MAPK4: variants seen among roughly 807,000 people sequenced by gnomAD.
MAPK4 encodes the protein Erk3-related.
In MAPK4, 22 loss-of-function variants were observed where a neutral mutation model predicts 47.7. The observed-to-expected ratio is 0.46, with a 90% CI of 0.33 to 0.66. The LOEUF is 0.66. Ranked by LOEUF, MAPK4 falls within the 30% of genes least tolerant of loss-of-function variation. MAPK4 has a pLI of 0.02. For synonymous variants in MAPK4, 390 were observed against 365.7 expected (o/e 1.07, Z -0.76); for missense variants, 736 against 831.7 (o/e 0.88, Z 1.42).
intron 3 of MAPK4, among the ~76,000 whole-genome samples, chr18:50,716,796 C>T (rs1442785586): frequency 6.7e-6 from 1 of 149,980 alleles, no homozygotes; most frequent in Non-Finnish European, 1.5e-5. Flanking sequence ...GCCTGCCCTG[C>T]TTCTCCTCAG....
Position 50,664,593 on chromosome 18 carries a change from T to G in MAPK4, c.546+89T>G. On this transcript the variant is annotated intron_variant, in intron 2 of 5. Transcript: ENST00000400384. The surrounding 1 kb of genome is among the most constrained non-coding windows in gnomAD (Gnocchi z 6.0). ...TCCCAAGCTATTCCTAGCTCCATGG[T>G]AGTCAGAGGACTAGAGTTAGTAATT... The G allele has an allele frequency of 2.2e-6, 3 of 1,382,378 alleles. No individual in the cohort carries two copies. The highest frequency in any genetic ancestry group is 3.0e-6 in the Non-Finnish European group (3 of 1,013,108). 85.6% of individuals were successfully genotyped at this position (1,382,378 alleles called of 1,614,324 possible). A position where few individuals can be genotyped will look rare whatever the true frequency, so the allele number is the denominator to read the frequency against.
chr18:50,559,660 C>CG (rs923796716), upstream of MAPK4, among the ~76,000 whole-genome samples: 1 of 136,988 alleles, frequency 7.3e-6, no homozygotes, highest in African/African-American at 2.7e-5. Flanking sequence ...GCGGGGCTGG[C>CG]GGGGCGGCGA....
In MAPK4 at chr18:50,729,677, G is replaced by A. The variant is rs1330398219; in HGVS notation, c.1587G>A (p.Val529=). The A allele has an allele frequency of 6.5e-7, 1 of 1,527,928 alleles. No homozygotes were observed. Among genetic ancestry groups the A allele is most frequent in the Admixed American group, 2.0e-5 (1 of 49,946 alleles). 94.6% of individuals were successfully genotyped at this position (1,527,928 alleles called of 1,614,324 possible). A position where few individuals can be genotyped will look rare whatever the true frequency, so the allele number is the denominator to read the frequency against. The part of the protein sequence containing the change: ...SASPPGRPAP[V]DGGASPQFDL... ...CGCCCCCCGGCCGCCCGGCCCCGGT[G>A]GACGGCGGCGCCAGCCCCCAGTTCG... The change falls in exon 6 of 6, where the codon GTG becomes GTA. Residue 529 remains valine (V), a synonymous_variant. Coordinates refer to ENST00000400384, the MANE Select transcript of MAPK4 (RefSeq NM_002747.4).
At chr18:50,682,405 C>T (rs990701703) in intron 2 of MAPK4, among the ~76,000 whole-genome samples, 2 of 152,120 alleles carry the variant, frequency 1.3e-5, no homozygotes, top group Admixed American at 1.3e-4. Flanking sequence ...TCTACAAACT[C>T]TCCCAAAAAT....
At chr18:50,587,561 C>T (rs1907321168) in intron 1 of MAPK4, among the ~76,000 whole-genome samples, 1 of 152,156 alleles carries the variant, frequency 6.6e-6, no homozygotes, top group African/African-American at 2.4e-5. Context: ...CACCACCAGT[C>T]CTTTTCTGAC....
intron 2 of MAPK4, among the ~76,000 whole-genome samples, chr18:50,672,834 C>A (rs530987643): frequency 2.0e-5 from 3 of 152,280 alleles, no homozygotes; most frequent in South Asian, 4.1e-4. Context: ...GGCTATTTAC[C>A]AGTCAGCTTG....
chr18:50,560,413 C>T (rs2042142288), intron 1 of MAPK4, among the ~76,000 whole-genome samples, 170 bp downstream of exon 1: 1 of 152,098 alleles, frequency 6.6e-6, no homozygotes, highest in Admixed American at 6.5e-5. Flanking sequence ...TAGCGAGTTT[C>T]CGAGCGGCGG....
Position 50,729,769 on chromosome 18 carries a change from A to C in MAPK4, c.1679A>C (p.Lys560Thr), listed in dbSNP as rs1456861829. Residue 560 changes from lysine (K) to threonine (T), a missense_variant, in exon 6 of 6, where the codon AAA becomes ACA. This residue lies in a region of MAPK4 where 377 missense variants were observed against 378.6 expected (regional missense o/e 1.00). Transcript: ENST00000400384. ...AAGCCCGAGGACCTGCCGGACAATAAACTGGGCGACCTCAATGGTGCGTGC... is the reference window on the plus strand; with the variant it reads ...AAGCCCGAGGACCTGCCGGACAATACACTGGGCGACCTCAATGGTGCGTGC... ...CTKPEDLPDN[K>T]LGDLNGACIP... 1.2e-6 allele frequency: 2 copies of C among 1,611,714 alleles called. No homozygotes were observed. Among genetic ancestry groups the C allele is most frequent in the Admixed American group, 1.7e-5 (1 of 59,892 alleles).
chr18:50,726,424 G>A (rs912957466), intron 5 of MAPK4, among the ~76,000 whole-genome samples: 1 of 152,222 alleles, frequency 6.6e-6, no homozygotes, highest in Admixed American at 6.5e-5. Context: ...TGACTCTACT[G>A]AACATGGGGT....
chr18:50,717,861 G>A (rs1323534940), intron 3 of MAPK4, among the ~76,000 whole-genome samples: 2 of 152,234 alleles, frequency 1.3e-5, no homozygotes, highest in Non-Finnish European at 2.9e-5. Flanking sequence ...GTGAAAAGGA[G>A]CTGCCCACTC....
intron 2 of MAPK4, among the ~76,000 whole-genome samples, chr18:50,711,668 G>C (rs1388287131): frequency 6.6e-6 from 1 of 152,210 alleles, no homozygotes; most frequent in Admixed American, 6.5e-5. Context: ...TGATCACAGA[G>C]ACATGTTCCT....
At chr18:50,631,760 A>G (rs973501921) in intron 1 of MAPK4, among the ~76,000 whole-genome samples, 2 of 152,224 alleles carry the variant, frequency 1.3e-5, no homozygotes, top group Non-Finnish European at 2.9e-5. Flanking sequence ...CTGGCCTCAC[A>G]GTGTCCTTCC....
intron 2 of MAPK4, chr18:50,705,284 A>G (rs186789953): frequency 2.2e-4 from 34 of 152,390 alleles, no homozygotes; most frequent in African/African-American, 7.5e-4. Flanking sequence ...GTGAGCGCCT[A>G]TCTTGTACAG....
intron 1 of MAPK4, among the ~76,000 whole-genome samples, chr18:50,634,045 T>A (rs185020242): frequency 2.6e-5 from 4 of 152,284 alleles, no homozygotes; most frequent in African/African-American, 4.8e-5. Context: ...ATTCAGAATT[T>A]GTTTTTTTCC....
In MAPK4 at chr18:50,728,234, G is replaced by A. The variant is rs1421574323; in HGVS notation, c.1068-924G>A. ...CCCCAGGGTTCTAGGTAGAGCACCC[G>A]CACAAGGAAGGGAGGGCTCCGCCAG... On this transcript the variant is annotated intron_variant, in intron 5 of 5. Transcript: ENST00000400384. Among the ~76,000 whole-genome samples, 7 of 152,208 alleles carry A rather than the reference G, an allele frequency of 4.6e-5. No individual in the cohort carries two copies. In the South Asian group the frequency reaches 6.2e-4, roughly 14 times the overall value.
At chr18:50,611,544 G>C (rs550693639) in intron 1 of MAPK4, among the ~76,000 whole-genome samples, 52 of 152,330 alleles carry the variant, frequency 3.4e-4, no homozygotes, top group African/African-American at 1.2e-3. Flanking sequence ...AGGTGTCGCT[G>C]AGCTCCTTAT....
At position 50,729,676 on chromosome 18, in the gene MAPK4, T is replaced by C. The variant is rs1911439578; in HGVS notation, c.1586T>C (p.Val529Ala). ...SASPPGRPAPVDGGASPQFDL... is the reference protein window; with the variant it reads ...SASPPGRPAPADGGASPQFDL... ...TCGCCCCCCGGCCGCCCGGCCCCGG[T>C]GGACGGCGGCGCCAGCCCCCAGTTC... The change falls in exon 6 of 6, where the codon GTG becomes GCG. Residue 529 changes from valine (V) to alanine (A), a missense_variant. By Grantham distance (64) the Val-to-Ala change is moderately conservative. Around this residue, in one of 3 missense-constraint regions of MAPK4, gnomAD observed 377 missense variants for 378.6 expected, o/e 1.00. Coordinates refer to ENST00000400384, the MANE Select transcript of MAPK4 (RefSeq NM_002747.4). 1 of 1,525,956 alleles carries C rather than the reference T, an allele frequency of 6.6e-7. No homozygotes were observed. The highest frequency in any genetic ancestry group is 1.2e-5 in the South Asian group (1 of 81,570). 94.5% of individuals were successfully genotyped at this position (1,525,956 alleles called of 1,614,324 possible).
intron 1 of MAPK4, among the ~76,000 whole-genome samples, chr18:50,638,546 G>C (rs1407842738): frequency 6.6e-6 from 1 of 152,200 alleles, no homozygotes; most frequent in Non-Finnish European, 1.5e-5. Context: ...TCTTCTGGGA[G>C]ACCACCTATC....
intron 1 of MAPK4, among the ~76,000 whole-genome samples, chr18:50,607,869 A>C (rs933489178): frequency 6.6e-6 from 1 of 152,210 alleles, no homozygotes; most frequent in Admixed American, 6.5e-5. Context: ...ACAATTTACC[A>C]ATCTTGTATT....
Sources: allele counts gnomAD v4.1 joint callset (sites outside exome capture counted in the v4.1 genomes callset), GRCh38; gene constraint gnomAD v4.1.1; regional missense constraint gnomAD v4.1.1; non-coding constraint Gnocchi (gnomAD v3.1); transcripts MANE v1.5; gene names NCBI Gene and HGNC (gene_info 2026-07-23, HGNC 2026-07-21).